The following SLC24A3 variants were observed in gnomAD, a reference collection of about 807,000 sequenced individuals.
SLC24A3 encodes solute carrier family 24 member 3, also known as sodium/potassium/calcium exchanger 3.
In SLC24A3, 28 loss-of-function variants were observed where a neutral mutation model predicts 75.8. The observed-to-expected ratio is 0.37, with a 90% CI of 0.27 to 0.51. SLC24A3 has a LOEUF of 0.51. SLC24A3 is among the 20% of genes least tolerant of loss of function. The pLI is 0.94. For synonymous variants in SLC24A3, 372 were observed against 334.1 expected, an observed-to-expected ratio of 1.11 and a Z score of -1.24; for missense variants, 663 against 847.8, an observed-to-expected ratio of 0.78 and a Z score of 2.71.
chr20:19,515,235 G>C (rs981477343), intron 2 of SLC24A3, among the ~76,000 whole-genome samples: 3 of 152,234 alleles, frequency 2.0e-5, no homozygotes, highest in African/African-American at 4.8e-5. Flanking sequence ...AGCTGCACAA[G>C]TATGATGGTA....
chr20:19,373,098 C>T (rs1192536682), intron 2 of SLC24A3, among the ~76,000 whole-genome samples: 2 of 152,064 alleles, frequency 1.3e-5, no homozygotes, highest in South Asian at 2.1e-4. Flanking sequence ...AGGAGAGATC[C>T]TGGCAATGTC....
chr20:19,388,930 C>T (rs892908066), intron 2 of SLC24A3, among the ~76,000 whole-genome samples: 2 of 151,994 alleles, frequency 1.3e-5, no homozygotes, highest in African/African-American at 4.8e-5. Flanking sequence ...TCAATTCTTC[C>T]AATCTTGCTG....
rs555588202 is a variant in SLC24A3, at chr20:19,639,987, C to G, written c.613-14075C>G. On this transcript the variant is annotated intron_variant, in intron 6 of 16. Transcript: ENST00000328041. ...CTCCAGCTGGCCCGCAAGCGCGGAGCGCAGCCCTGATTCCCGCTGGCGCCT... is the reference window on the plus strand; with the variant it reads ...CTCCAGCTGGCCCGCAAGCGCGGAGGGCAGCCCTGATTCCCGCTGGCGCCT... Among the ~76,000 whole-genome samples the G allele has an allele frequency of 3.9e-4, 60 of 152,374 alleles. 1 individual carries two copies. The highest frequency in any genetic ancestry group is 1.4e-3 in the African/African-American group (59 of 41,596).
chr20:19,681,711 T>G, intron 9 of SLC24A3, 147 bp from the exon 10 acceptor site: 1 of 1,226,218 alleles, frequency 8.2e-7, no homozygotes, highest in Non-Finnish European at 1.2e-6. Flanking sequence ...TGAGGGGGAA[T>G]GGGTTGAGAA....
chr20:19,478,821 A>G (rs551247492), intron 2 of SLC24A3, among the ~76,000 whole-genome samples: 14 of 152,370 alleles, frequency 9.2e-5, no homozygotes, highest in African/African-American at 3.4e-4. Context: ...CTTTGAGGAC[A>G]GGAGTTGTCT....
chr20:19,654,058 G>T lies in SLC24A3; in HGVS notation c.613-4G>T. The T allele has an allele frequency of 1.2e-6, 2 of 1,610,750 alleles. No individual in the cohort carries two copies. Among genetic ancestry groups the T allele is most frequent in the Admixed American group, 3.3e-5 (2 of 60,010 alleles). On this transcript the variant is annotated splice_polypyrimidine_tract_variant and splice_region_variant and intron_variant, in intron 6 of 16. Transcript: ENST00000328041. Reference sequence around the variant, plus strand: ...TGTTTGACTTTGTTTCCCTTGTCCTGCAGGTTGTGGCTCTTTCCTCCTGGT... The same window carrying T: ...TGTTTGACTTTGTTTCCCTTGTCCTTCAGGTTGTGGCTCTTTCCTCCTGGT...
chr20:19,531,536 T>C (rs967248428), intron 3 of SLC24A3, among the ~76,000 whole-genome samples: 1 of 152,240 alleles, frequency 6.6e-6, no homozygotes, highest in Non-Finnish European at 1.5e-5. Context: ...TCCAAGAATG[T>C]ACAATCCTCC....
At chr20:19,711,017 TCCCAGTATGCACATGCAGTCTCACTGC>T (rs1400613930) in intron 15 of SLC24A3, among the ~76,000 whole-genome samples, 1 of 15,060 alleles carries the variant, frequency 6.6e-5, no homozygotes, top group African/African-American at 2.9e-4. Context: ...TCTCACTGCC[TCCCAGTATGCACATGCAGTCTCACTGC>T]CTCCCAGTAT....
intron 3 of SLC24A3, among the ~76,000 whole-genome samples, chr20:19,554,570 T>C (rs1317271981): frequency 6.6e-6 from 1 of 152,212 alleles, no homozygotes; most frequent in Admixed American, 6.5e-5. Context: ...ATATGGTGCT[T>C]GCTAATAATG....
chr20:19,678,237 G>C (rs975615988), intron 9 of SLC24A3, among the ~76,000 whole-genome samples: 3 of 150,028 alleles, frequency 2.0e-5, no homozygotes, highest in African/African-American at 7.4e-5. Context: ...CCTCCCAGAC[G>C]GGGTGGTGGC....
chr20:19,601,522 C>T (rs1272954396), intron 6 of SLC24A3, among the ~76,000 whole-genome samples: 2 of 152,206 alleles, frequency 1.3e-5, no homozygotes, highest in Non-Finnish European at 2.9e-5. Flanking sequence ...TGAACCCATG[C>T]TCCCCCTTCT....
chr20:19,511,232 G>C (rs890242215), intron 2 of SLC24A3, among the ~76,000 whole-genome samples: 1 of 152,012 alleles, frequency 6.6e-6, no homozygotes, highest in Non-Finnish European at 1.5e-5. Context: ...TTTCTCTCAG[G>C]GTCTGCTCTT....
chr20:19,257,771 G>A (rs999075775), intron 1 of SLC24A3: 1 of 152,200 alleles, frequency 6.6e-6, no homozygotes, highest in African/African-American at 2.4e-5. Flanking sequence ...TGGATATGGT[G>A]TGTATTTCCA....
intron 2 of SLC24A3, among the ~76,000 whole-genome samples, chr20:19,451,477 C>G (rs1046982275): frequency 1.3e-5 from 2 of 152,176 alleles, no homozygotes; most frequent in Non-Finnish European, 1.5e-5. Context: ...CAATCTTTAT[C>G]TCCTTCATTG....
chr20:19,448,845 C>A (rs1304582777), intron 2 of SLC24A3, among the ~76,000 whole-genome samples: 1 of 152,226 alleles, frequency 6.6e-6, no homozygotes, highest in Non-Finnish European at 1.5e-5. Flanking sequence ...ACTCAACCCT[C>A]CATAAATTAT....
intron 2 of SLC24A3, among the ~76,000 whole-genome samples, chr20:19,360,173 G>A (rs1480007703): frequency 2.6e-5 from 4 of 152,186 alleles, no homozygotes; most frequent in Non-Finnish European, 5.9e-5. Context: ...GAAATGATCA[G>A]TATCTATATC....
At chr20:19,372,793 C>T (rs1035079247) in intron 2 of SLC24A3, among the ~76,000 whole-genome samples, 11 of 152,010 alleles carry the variant, frequency 7.2e-5, no homozygotes, top group African/African-American at 1.7e-4. Flanking sequence ...TTTCCCTCCC[C>T]GAGCTCAGCA....
At chr20:19,681,710 A>C in intron 9 of SLC24A3, 148 bp from the exon 10 acceptor site, 4 of 1,188,294 alleles carry the variant, frequency 3.4e-6, no homozygotes, top group Non-Finnish European at 4.8e-6. Flanking sequence ...CTGAGGGGGA[A>C]TGGGTTGAGA....
At chr20:19,719,949 A>G (rs2033086038) in intron 16 of SLC24A3, among the ~76,000 whole-genome samples, 1 of 152,210 alleles carries the variant, frequency 6.6e-6, no homozygotes, top group Admixed American at 6.5e-5. Context: ...GATGGTATCA[A>G]TGAGGTGTGG....
Sources: gnomAD v4.1 joint callset for allele counts (sites outside exome capture counted in the v4.1 genomes callset) on GRCh38, gnomAD v4.1.1 for gene constraint, MANE v1.5 for transcripts, NCBI Gene and HGNC (gene_info 2026-07-23, HGNC 2026-07-21) for gene names.